Variants in SPON1 observed in about 807,000 individuals in gnomAD.
SPON1 encodes the protein spondin 1, also known as spondin-1.
In SPON1, 52 loss-of-function variants were observed where a neutral mutation model predicts 111.7. That is an observed-to-expected ratio of 0.47 (90% CI 0.37 to 0.59). SPON1 has a LOEUF of 0.59. Ranked by LOEUF, SPON1 falls within the 20% of genes least tolerant of loss-of-function variation. The probability of loss-of-function intolerance (pLI) is 0.00; values close to 1 mark genes in which losing one functional copy is unlikely to be tolerated. For missense variants in SPON1, 957 were observed against 1,068.5 expected (o/e 0.90, Z 1.46); for synonymous variants, 410 against 395.8 (o/e 1.04, Z -0.43).
At chr11:13,996,402 A>G (rs1246603105) in intron 2 of SPON1, among the ~76,000 whole-genome samples, 3 of 152,246 alleles carry the variant, frequency 2.0e-5, no homozygotes, top group Admixed American at 6.5e-5. Context: ...AGTGCCTGGA[A>G]TGGACATTGG....
chr11:14,007,316 G>T (rs901283114), intron 2 of SPON1, among the ~76,000 whole-genome samples: 3 of 152,108 alleles, frequency 2.0e-5, no homozygotes, highest in Admixed American at 1.3e-4. Context: ...ACAATCACAG[G>T]GTCCCACAAT....
intron 2 of SPON1, among the ~76,000 whole-genome samples, chr11:14,024,428 G>A (rs1554915078): frequency 6.6e-6 from 1 of 152,150 alleles, no homozygotes; most frequent in Non-Finnish European, 1.5e-5. Context: ...AAGATGGATG[G>A]GGGGCCAGAA....
At chr11:14,124,113 C>T (rs1382430206) in intron 5 of SPON1, among the ~76,000 whole-genome samples, 1 of 152,144 alleles carries the variant, frequency 6.6e-6, no homozygotes, top group Non-Finnish European at 1.5e-5. Flanking sequence ...TCTATTAAGA[C>T]AGTCATATCC....
intron 2 of SPON1, among the ~76,000 whole-genome samples, chr11:14,012,481 T>G (rs113137180): frequency 0.046 from 6,980 of 152,288 alleles, 252 homozygotes; most frequent in South Asian, 0.14. Flanking sequence ...ATATTCTCAG[T>G]GGCGACGTGC....
chr11:14,180,162 T>C (rs1554933556), intron 6 of SPON1, among the ~76,000 whole-genome samples: 1 of 152,168 alleles, frequency 6.6e-6, no homozygotes, highest in Non-Finnish European at 1.5e-5. Context: ...ATGTGAGACT[T>C]TTCAGTTTTA....
At position 14,011,040 on chromosome 11, in the gene SPON1, C is replaced by A. The variant is rs567101144; in HGVS notation, c.345+28087C>A. 1.3e-4 allele frequency among the ~76,000 whole-genome samples: 20 copies of A among 152,084 alleles called. 1 individual carries two copies. The highest frequency in any genetic ancestry group is 4.4e-5 in the Non-Finnish European group (3 of 68,014). ...GTCCTTAAGAATCAATTACATTTTC[C>A]TAATTAGTGTGGGTAGTCAGGACAG... is the stretch of plus-strand genomic sequence containing the variant. On this transcript the variant is annotated intron_variant, in intron 2 of 15. Transcript: ENST00000576479.
At position 14,072,853 on chromosome 11, in the gene SPON1, C is replaced by T. The variant is rs201951758; in HGVS notation, c.480-2492C>T. 8.5e-5 allele frequency among the ~76,000 whole-genome samples: 13 copies of T among 152,274 alleles called. No homozygotes were observed. The East Asian group carries it at 2.1e-3, about 25-fold the overall frequency. ...TCTGATCATCTTAGTCCTCTGGGCA[C>T]ACTCTTCAAAGATATCTCATTAAAC... On this transcript the variant is annotated intron_variant, in intron 3 of 15. Coordinates refer to ENST00000576479, the MANE Select transcript of SPON1 (RefSeq NM_006108.4).
At chr11:14,201,781 A>G (rs1848467295) in intron 6 of SPON1, among the ~76,000 whole-genome samples, 1 of 152,222 alleles carries the variant, frequency 6.6e-6, no homozygotes, top group Admixed American at 6.5e-5. Flanking sequence ...TATTATTATT[A>G]CAAGGACAAA....
chr11:14,044,734 G>A lies in SPON1; in HGVS notation c.479+3080G>A, dbSNP rs180722552. On this transcript the variant is annotated intron_variant, in intron 3 of 15. Coordinates refer to ENST00000576479, the MANE Select transcript of SPON1 (RefSeq NM_006108.4). ...GACTTATCTCTGCTTTTACATTCACGAAGGTAATCATAAAAGCACATAGTT... is the reference window on the plus strand; with the variant it reads ...GACTTATCTCTGCTTTTACATTCACAAAGGTAATCATAAAAGCACATAGTT... Among the ~76,000 whole-genome samples the A allele has an allele frequency of 1.8e-3, 275 of 152,250 alleles. 3 individuals are homozygous for A. The highest frequency in any genetic ancestry group is 3.1e-3 in the Non-Finnish European group (213 of 68,020).
chr11:14,243,435 T>C, intron 7 of SPON1, 39 bp downstream of exon 7: 1 of 1,536,350 alleles, frequency 6.5e-7, no homozygotes, highest in Non-Finnish European at 8.8e-7. Flanking sequence ...TGTCTTATCC[T>C]AGCCCCTTCT....
intron 2 of SPON1, among the ~76,000 whole-genome samples, chr11:14,005,902 C>T (rs1848357224): frequency 6.6e-6 from 1 of 152,112 alleles, no homozygotes; most frequent in South Asian, 2.1e-4. Flanking sequence ...CTCTCTAAGG[C>T]TCGGTTTCTT....
At chr11:14,167,307 G>A (rs1307586918) in intron 6 of SPON1, among the ~76,000 whole-genome samples, 1 of 151,816 alleles carries the variant, frequency 6.6e-6, no homozygotes, top group Non-Finnish European at 1.5e-5. Context: ...AGATATCAAA[G>A]GTTTAAAACA....
At chr11:14,104,718 C>CTAT (rs1849171902) in intron 5 of SPON1, among the ~76,000 whole-genome samples, 1 of 152,056 alleles carries the variant, frequency 6.6e-6, no homozygotes, top group Admixed American at 6.6e-5. Context: ...AGATTTCATA[C>CTAT]TATTTTTAAT....
chr11:14,129,873 C>T (rs1564911496), intron 5 of SPON1, among the ~76,000 whole-genome samples: 1 of 152,140 alleles, frequency 6.6e-6, no homozygotes, highest in Non-Finnish European at 1.5e-5. Context: ...CACAAGGCAG[C>T]AGGAGACAGC....
intron 3 of SPON1, among the ~76,000 whole-genome samples, chr11:14,053,739 A>G (rs1848724505): frequency 6.6e-6 from 1 of 152,244 alleles, no homozygotes; most frequent in Non-Finnish European, 1.5e-5. Flanking sequence ...CAAGAGTAGA[A>G]AAGGACAAAG....
In SPON1 at chr11:14,056,367, G is replaced by C. The variant is rs553737835; in HGVS notation, c.479+14713G>C. Among the ~76,000 whole-genome samples the C allele has an allele frequency of 2.0e-5, 3 of 152,276 alleles. No individual in the cohort carries two copies. The East Asian group carries it at 5.8e-4, about 29-fold the overall frequency. ...TGTAGATGTTTCCTAAGACAAAGAA[G>C]TGGTCTACCCAAGAAGTGAATTTCA... On this transcript the variant is annotated intron_variant, in intron 3 of 15. Coordinates refer to ENST00000576479, the MANE Select transcript of SPON1 (RefSeq NM_006108.4).
At chr11:14,176,211 C>T (rs1711509937) in intron 6 of SPON1, among the ~76,000 whole-genome samples, 1 of 152,116 alleles carries the variant, frequency 6.6e-6, no homozygotes, top group African/African-American at 2.4e-5. Flanking sequence ...AGCAACCCCT[C>T]TGAGATCCCT....
chr11:14,192,642 A>T (rs1848358917), intron 6 of SPON1, among the ~76,000 whole-genome samples: 1 of 152,024 alleles, frequency 6.6e-6, no homozygotes, highest in Non-Finnish European at 1.5e-5. Context: ...CCCTCCTCCA[A>T]GCCACACATA....
At chr11:14,264,690 A>T (rs1191937681) in intron 15 of SPON1, among the ~76,000 whole-genome samples, 1 of 152,170 alleles carries the variant, frequency 6.6e-6, no homozygotes, top group Admixed American at 6.5e-5. Context: ...CATGACTCTT[A>T]GCTGTAGTGT....
Sources: gnomAD v4.1 joint callset for allele counts (sites outside exome capture counted in the v4.1 genomes callset) on GRCh38, gnomAD v4.1.1 for gene constraint, MANE v1.5 for transcripts, NCBI Gene and HGNC (gene_info 2026-07-23, HGNC 2026-07-21) for gene names.